The following ITGA5 variants were observed in gnomAD, a reference collection of about 807,000 sequenced individuals.
ITGA5 encodes the protein integrin subunit alpha 5.
A neutral mutation model predicts 146.3 loss-of-function variants in ITGA5; 55 were observed. The observed-to-expected ratio is 0.38, with a 90% CI of 0.30 to 0.47. The LOEUF (loss-of-function observed/expected upper bound fraction) is 0.47. Among genes scored for constraint, ITGA5 ranks in the 20% least tolerant of loss-of-function variants. The probability of loss-of-function intolerance (pLI) is 0.99; values close to 1 mark genes in which losing one functional copy is unlikely to be tolerated. For missense variants in ITGA5, 1,131 were observed against 1,329.0 expected (o/e 0.85, Z 2.32); for synonymous variants, 500 against 531.8 (o/e 0.94, Z 0.82).
At position 54,404,911 on chromosome 12, in the gene ITGA5, A is replaced by C. The variant is rs773529190; in HGVS notation, c.1226-17T>G. On this transcript the variant is annotated splice_polypyrimidine_tract_variant and intron_variant, in intron 12 of 29. Coordinates refer to ENST00000293379, the MANE Select transcript of ITGA5 (RefSeq NM_002205.5). ...TGGCCACATCTGGAAGACACAGAAC[A>C]CACACTAGTCAGCAGGCCAGGAATC... is the stretch of plus-strand genomic sequence containing the variant. 41 of 1,538,968 alleles carry C rather than the reference A, an allele frequency of 2.7e-5. No individual in the cohort carries two copies. The highest frequency in any genetic ancestry group is 3.5e-5 in the Non-Finnish European group (40 of 1,146,636).
chr12:54,400,792 G>A, intron 25 of ITGA5, 54 bp downstream of exon 25: 1 of 1,582,334 alleles, frequency 6.3e-7, no homozygotes, highest in Non-Finnish European at 8.6e-7. Context: ...CAACCCCTCA[G>A]CCTTGGTCCT....
intron 9 of ITGA5, among the ~76,000 whole-genome samples, chr12:54,407,172 A>G (rs1955877745): frequency 6.6e-6 from 1 of 152,234 alleles, no homozygotes; most frequent in Non-Finnish European, 1.5e-5. Context: ...CTTATCTAAC[A>G]TACTTGATTA....
At chr12:54,411,318 G>C (rs532603641) in intron 2 of ITGA5, among the ~76,000 whole-genome samples, 22 of 152,300 alleles carry the variant, frequency 1.4e-4, no homozygotes, top group Non-Finnish European at 2.6e-4. Context: ...AAGATTAAGT[G>C]AACTAATATA....
chr12:54,408,868 C>G, intron 5 of ITGA5, 25 bp downstream of exon 5: 1 of 1,613,948 alleles, frequency 6.2e-7, no homozygotes, highest in Non-Finnish European at 8.5e-7. Context: ...CCCACGGCCC[C>G]TTCTCTCCCA....
chr12:54,397,331 A>AG (rs1555164156), intron 29 of ITGA5, 34 bp downstream of exon 29: 11 of 1,612,746 alleles, frequency 6.8e-6, no homozygotes, highest in Non-Finnish European at 9.3e-6. Flanking sequence ...GCCTGATGAG[A>AG]GGGTGGCCAA....
intron 27 of ITGA5, 129 bp from the exon 28 acceptor site, chr12:54,398,827 CTCTCTCTCT>C (rs1955748132): frequency 2.1e-6 from 1 of 482,926 alleles, no homozygotes; most frequent in Non-Finnish European, 3.6e-6. Context: ...CTCTCTCTCT[CTCTCTCTCT>C]TTTTTTTTTT....
At chr12:54,408,607 T>A in intron 6 of ITGA5, 149 bp downstream of exon 6, 2 of 737,604 alleles carry the variant, frequency 2.7e-6, no homozygotes, top group Non-Finnish European at 4.3e-6. Context: ...GCGCCTGTAA[T>A]CCCAGCTACT....
At position 54,401,212 on chromosome 12, in the gene ITGA5, T is replaced by C. The variant is rs749298913; in HGVS notation, c.2493+161A>G. Among the ~76,000 whole-genome samples, 4 of 152,218 alleles carry C rather than the reference T, an allele frequency of 2.6e-5. No homozygotes were observed. Among genetic ancestry groups the C allele is most frequent in the Non-Finnish European group, 4.4e-5 (3 of 68,036 alleles). On this transcript the variant is annotated intron_variant, in intron 24 of 29. Coordinates refer to ENST00000293379, the MANE Select transcript of ITGA5 (RefSeq NM_002205.5). The surrounding 1 kb of genome is among the most constrained non-coding windows in gnomAD (Gnocchi z 5.0). ...AGCCACTCAATTGGCCTGTCTCTCC[T>C]CTGGCTGTTTCTCACAGGACTCTGC...
chr12:54,399,956 G>T lies in ITGA5; in HGVS notation c.2644-9C>A. ...GAACCCTCGGGATCCAACTATAAAAGAAAGTGTTGGGCCCCTTTCCCATCT... is the reference window on the plus strand; with the variant it reads ...GAACCCTCGGGATCCAACTATAAAATAAAGTGTTGGGCCCCTTTCCCATCT... On this transcript the variant is annotated splice_polypyrimidine_tract_variant and intron_variant, in intron 25 of 29. Transcript: ENST00000293379. 3 of 1,607,526 alleles carry T rather than the reference G, an allele frequency of 1.9e-6. No homozygotes were observed. Among genetic ancestry groups the T allele is most frequent in the Non-Finnish European group, 2.6e-6 (3 of 1,174,080 alleles).
Position 54,409,347 on chromosome 12 carries a change from G to C in ITGA5, c.468C>G (p.Cys156Trp), listed in dbSNP as rs142802486. 2 of 1,612,230 alleles carry C rather than the reference G, an allele frequency of 1.2e-6. No homozygotes were observed. The highest frequency in any genetic ancestry group is 1.7e-6 in the Non-Finnish European group (2 of 1,179,308). The change falls in exon 4 of 30, where the codon TGC (cysteine) becomes TGG (tryptophan). Residue 156 changes from cysteine (C) to tryptophan (W), a missense_variant. This residue lies in a region of ITGA5 where 67 missense variants were observed against 128.2 expected (regional missense o/e 0.52). Transcript: ENST00000293379. The surrounding 1 kb of genome is among the most constrained non-coding windows in gnomAD (Gnocchi z 4.7). The stretch of plus-strand genomic sequence containing the variant: ...CTGTGCGCCAGCTGTACAGTGGAGC[G>C]CATGCCTGGGAGGGCCCAGGAGGAG... ...VRAHGSSILA[C>W]APLYSWRTEK...
chr12:54,416,222 A>T lies in ITGA5; in HGVS notation c.218+2759T>A, dbSNP rs1956006646. ...GTAGCTGGGATTACAGGTGCGTGCC[A>T]GCACGCTCGGCTAATTTTTTTATTT... On this transcript the variant is annotated intron_variant, in intron 1 of 29. Transcript: ENST00000293379. This position sits in a 1 kb window ranked among gnomAD's most constrained non-coding sequence, Gnocchi z 4.1. 1.3e-5 allele frequency among the ~76,000 whole-genome samples: 2 copies of T among 152,310 alleles called. 1 individual carries two copies. Among genetic ancestry groups the T allele is most frequent in the Admixed American group, 1.3e-4 (2 of 15,302 alleles).
At chr12:54,415,708 G>C (rs1955998662) in intron 1 of ITGA5, among the ~76,000 whole-genome samples, 1 of 152,228 alleles carries the variant, frequency 6.6e-6, no homozygotes, top group African/African-American at 2.4e-5. Flanking sequence ...AAGGTCAGGG[G>C]TGGAGAGCAG....
intron 2 of ITGA5, among the ~76,000 whole-genome samples, chr12:54,411,077 G>T (rs1272681288): frequency 6.6e-6 from 1 of 152,078 alleles, no homozygotes; most frequent in African/African-American, 2.4e-5. Flanking sequence ...GGCCAGGATG[G>T]TCTTGAACTC....
Position 54,408,962 on chromosome 12 carries a change from G to C in ITGA5, c.584-8C>G, listed in dbSNP as rs758781982. 4 of 1,613,822 alleles carry C rather than the reference G, an allele frequency of 2.5e-6. No individual in the cohort carries two copies. In the East Asian group the frequency reaches 6.7e-5, roughly 27 times the overall value. ...CTGCTGCCCAGCTGAAATCTGTGAG[G>C]GGAGAAGGTGGTGAAAATGAGCCCT... On this transcript the variant is annotated splice_polypyrimidine_tract_variant and splice_region_variant and intron_variant, in intron 4 of 29. Transcript: ENST00000293379.
chr12:54,402,631 C>T (rs890488858), intron 19 of ITGA5, among the ~76,000 whole-genome samples: 21 of 151,302 alleles, frequency 1.4e-4, no homozygotes, highest in Admixed American at 3.3e-4. Flanking sequence ...ACCTGGGAGG[C>T]GGAGGTTGCA....
intron 9 of ITGA5, 54 bp from the exon 10 acceptor site, chr12:54,405,980 G>T: frequency 6.6e-7 from 1 of 1,506,164 alleles, no homozygotes. Context: ...ATATCCCATG[G>T]TTAAAGAACA....
chr12:54,405,358 C>T lies in ITGA5; in HGVS notation c.1033G>A (p.Val345Met). 2 of 1,607,120 alleles carry T rather than the reference C, an allele frequency of 1.2e-6. No homozygotes were observed. The highest frequency in any genetic ancestry group is 1.7e-6 in the Non-Finnish European group (2 of 1,176,762). Residue 345 changes from valine to methionine, a missense_variant, in exon 12 of 30, where the codon GTG becomes ATG. Physicochemically the swap from Val to Met is conservative, Grantham distance 21 (BLOSUM62 1). Around this residue, in one of 3 missense-constraint regions of ITGA5, gnomAD observed 889 missense variants for 1,021.5 expected, o/e 0.87. Transcript: ENST00000293379. ...CGATCCATGAGCAGGGGTGCCCCCACCAGCAAGTCATCCAGCCTGAGGGGA... is the reference window on the plus strand; with the variant it reads ...CGATCCATGAGCAGGGGTGCCCCCATCAGCAAGTCATCCAGCCTGAGGGGA... The part of the protein sequence containing the change: ...VNGDGLDDLL[V>M]GAPLLMDRTP...
chr12:54,396,735 G>A (rs937302267), intron 29 of ITGA5, among the ~76,000 whole-genome samples: 1 of 152,212 alleles, frequency 6.6e-6, no homozygotes, highest in East Asian at 1.9e-4. Context: ...CCAGCCTGGA[G>A]TGCAGTGGCA....
At chr12:54,400,202 A>C (rs12309294) in intron 25 of ITGA5, 10,976 of 491,536 alleles carry the variant, frequency 0.022, 368 homozygotes, top group South Asian at 0.076. Flanking sequence ...TTTGCACTGG[A>C]TGTTCCCTTG....
Sources: allele counts gnomAD v4.1 joint callset (sites outside exome capture counted in the v4.1 genomes callset), GRCh38; gene constraint gnomAD v4.1.1; regional missense constraint gnomAD v4.1.1; non-coding constraint Gnocchi (gnomAD v3.1); transcripts MANE v1.5; gene names NCBI Gene and HGNC (gene_info 2026-07-23, HGNC 2026-07-21).